Variants in PGBD1 observed in about 807,000 individuals in gnomAD.
PGBD1 encodes the protein piggyBac transposable element derived 1, also known as piggyBac transposable element-derived protein 1.
In PGBD1, 25 loss-of-function variants were observed where a neutral mutation model predicts 34.7. The observed-to-expected ratio is 0.72, with a 90% CI of 0.52 to 1.00. The LOEUF (loss-of-function observed/expected upper bound fraction) is 1.00. PGBD1 is among the 50% of genes least tolerant of loss of function. The probability of loss-of-function intolerance (pLI) is 0.00; values close to 1 mark genes in which losing one functional copy is unlikely to be tolerated. For synonymous variants in PGBD1, 292 were observed against 335.7 expected (o/e 0.87, Z 1.42); for missense variants, 830 against 959.4 (o/e 0.87, Z 1.78).
At position 28,301,226 on chromosome 6, in the gene PGBD1, A is replaced by G. The variant is rs754870322; in HGVS notation, c.1372A>G (p.Arg458Gly). ...VSLEVTVQEM[R>G]CVFGVLLLSG... ...CTTGGAAGTCACAGTTCAGGAAATG[A>G]GGTGTGTGTTTGGTGTCTTACTTTT... Residue 458 changes from arginine to glycine, a missense_variant, in exon 7 of 7, where the codon AGG (arginine) becomes GGG (glycine). Coordinates refer to ENST00000682144, the MANE Select transcript of PGBD1 (RefSeq NM_032507.4). 3 of 1,614,172 alleles carry G rather than the reference A, an allele frequency of 1.9e-6. No homozygotes were observed. Among genetic ancestry groups the G allele is most frequent in the African/African-American group, 1.3e-5 (1 of 75,036 alleles).
chr6:28,294,349 A>T lies in PGBD1; in HGVS notation c.643-2467A>T, dbSNP rs375696677. Among the ~76,000 whole-genome samples, 26 of 152,348 alleles carry T rather than the reference A, an allele frequency of 1.7e-4. No homozygotes were observed. In the South Asian group the frequency reaches 2.1e-3, roughly 12 times the overall value. ...GCATCAGCAACAAGTGCTGATGCAG[A>T]TGCTGCAGCAGGTTATCCAGATCTA... On this transcript the variant is annotated intron_variant, in intron 4 of 6. Coordinates refer to ENST00000682144, the MANE Select transcript of PGBD1 (RefSeq NM_032507.4).
chr6:28,282,812 G>C (rs1762168775), intron 1 of PGBD1, among the ~76,000 whole-genome samples: 1 of 152,170 alleles, frequency 6.6e-6, no homozygotes. Context: ...AAGCAAGCTG[G>C]TGCCAAAGAT....
At chr6:28,292,267 G>A (rs76537875) in intron 4 of PGBD1, among the ~76,000 whole-genome samples, 101 of 152,066 alleles carry the variant, frequency 6.6e-4, no homozygotes, top group South Asian at 6.2e-3. Flanking sequence ...AAAATTAGTA[G>A]CATTTATATA....
intron 4 of PGBD1, among the ~76,000 whole-genome samples, chr6:28,294,965 G>A (rs1150715): frequency 0.035 from 5,335 of 152,236 alleles, 230 homozygotes; most frequent in African/African-American, 0.1. Flanking sequence ...AGATAGTGAT[G>A]GATCTGGGCA....
intron 4 of PGBD1, among the ~76,000 whole-genome samples, chr6:28,294,818 G>A (rs995245364): frequency 6.6e-6 from 1 of 152,172 alleles, no homozygotes; most frequent in Non-Finnish European, 1.5e-5. Flanking sequence ...GAGGTACAAG[G>A]AAATTAATGT....
rs576846498 is a variant in PGBD1 at position 28,301,132 on chromosome 6, T to G, written c.1278T>G (p.Phe426Leu). 23 of 1,614,182 alleles carry G rather than the reference T, an allele frequency of 1.4e-5. No homozygotes were observed. The South Asian group carries it at 2.5e-4, about 18-fold the overall frequency. ...ACCCAGTAGAGCTTTTTGAATTATTTTTTGATGATGAAACATTCAACTTAA... is the reference window on the plus strand; with the variant it reads ...ACCCAGTAGAGCTTTTTGAATTATTGTTTGATGATGAAACATTCAACTTAA... ...KLNPVELFEL[F>L]FDDETFNLIV... Residue 426 changes from phenylalanine to leucine, a missense_variant, in exon 7 of 7, where the codon TTT (phenylalanine) becomes TTG (leucine). Phe to Leu is a conservative substitution (Grantham distance 22, BLOSUM62 0). Coordinates refer to ENST00000682144, the MANE Select transcript of PGBD1 (RefSeq NM_032507.4).
Position 28,281,704 on chromosome 6 carries a change from A to T in PGBD1, c.-253A>T, listed in dbSNP as rs1762134684. 6.3e-6 allele frequency: 2 copies of T among 315,818 alleles called. No individual in the cohort carries two copies. The highest frequency in any genetic ancestry group is 1.1e-5 in the Non-Finnish European group (2 of 174,434). 19.6% of individuals were successfully genotyped at this position (315,818 alleles called of 1,614,324 possible). On this transcript the variant is annotated 5_prime_UTR_variant, in exon 1 of 7. Transcript: ENST00000682144. Reference sequence around the variant, plus strand: ...TGAGCTCCCTCGGGAGCCTTTCACGAGGTCAGCTACGTCTTTGTTGTGCGC... The same window carrying T: ...TGAGCTCCCTCGGGAGCCTTTCACGTGGTCAGCTACGTCTTTGTTGTGCGC...
Position 28,302,182 on chromosome 6 carries a change from A to G in PGBD1, c.2328A>G (p.Gln776=). ...ATGTAGCCATGAACAATGCATGGCA[A>G]CTACACAGAGCCTGTAACCCAGGTG... ...MIDVAMNNAW[Q]LHRACNPGAS... Residue 776 remains glutamine, a synonymous_variant, in exon 7 of 7, where the codon CAA becomes CAG. Transcript: ENST00000682144. 1.9e-6 allele frequency: 3 copies of G among 1,614,214 alleles called. No individual in the cohort carries two copies. Among genetic ancestry groups the G allele is most frequent in the East Asian group, 4.5e-5 (2 of 44,884 alleles).
rs746780549 is a variant in PGBD1, at chr6:28,302,163, C to T, written c.2309C>T (p.Ala770Val). 6.2e-7 allele frequency: 1 copy of T among 1,614,074 alleles called. No homozygotes were observed. Among genetic ancestry groups the T allele is most frequent in the Non-Finnish European group, 8.5e-7 (1 of 1,180,002 alleles). Reference sequence around the variant, plus strand: ...TTGGTGAGCTACATGATTGATGTAGCCATGAACAATGCATGGCAACTACAC... The same window carrying T: ...TTGGTGAGCTACATGATTGATGTAGTCATGAACAATGCATGGCAACTACAC... ...SILVSYMIDV[A>V]MNNAWQLHRA... The change falls in exon 7 of 7, where the codon GCC (alanine) becomes GTC (valine). Residue 770 changes from alanine to valine, a missense_variant. Ala to Val is a moderately conservative substitution (Grantham distance 64). This residue lies in a region of PGBD1 where 372 missense variants were observed against 427.9 expected (regional missense o/e 0.87). Coordinates refer to ENST00000682144, the MANE Select transcript of PGBD1 (RefSeq NM_032507.4).
At chr6:28,297,829 T>TG (rs1762700185) in intron 5 of PGBD1, 66 bp from the exon 6 acceptor site, 5 of 294,560 alleles carry the variant, frequency 1.7e-5, no homozygotes, top group South Asian at 1.3e-4. Context: ...TTTTTTTTTT[T>TG]TTTTTTTTTT....
Position 28,287,186 on chromosome 6 carries a change from G to A in PGBD1, c.642+18G>A, listed in dbSNP as rs1762313272. ...GGTCCCAGGTAAGTAGGATGCCCAA[G>A]CTTGTAGGAATATCAGTAGTGGTCT... is the stretch of plus-strand genomic sequence containing the variant. On this transcript the variant is annotated intron_variant, in intron 4 of 6. Coordinates refer to ENST00000682144, the MANE Select transcript of PGBD1 (RefSeq NM_032507.4). The A allele has an allele frequency of 1.3e-6, 2 of 1,575,900 alleles. No homozygotes were observed. Among genetic ancestry groups the A allele is most frequent in the Non-Finnish European group, 1.7e-6 (2 of 1,145,198 alleles).
chr6:28,289,293 C>G (rs1031173928), intron 4 of PGBD1, among the ~76,000 whole-genome samples: 1 of 152,094 alleles, frequency 6.6e-6, no homozygotes, highest in Non-Finnish European at 1.5e-5. Flanking sequence ...ATGACATTTT[C>G]AAAGTACTCC....
chr6:28,297,013 C>A, intron 5 of PGBD1, 68 bp downstream of exon 5: 1 of 1,587,106 alleles, frequency 6.3e-7, no homozygotes, highest in South Asian at 1.1e-5. Context: ...CCTGGCTTGG[C>A]CCTTGGGAGG....
intron 3 of PGBD1, among the ~76,000 whole-genome samples, chr6:28,286,300 GA>G (rs1762283500): frequency 6.6e-6 from 1 of 152,178 alleles, no homozygotes; most frequent in African/African-American, 2.4e-5. Context: ...CTCTTCATTT[GA>G]TAATTTTGTA....
At chr6:28,288,215 A>G (rs1762345702) in intron 4 of PGBD1, among the ~76,000 whole-genome samples, 1 of 152,196 alleles carries the variant, frequency 6.6e-6, no homozygotes, top group South Asian at 2.1e-4. Flanking sequence ...AAATTGAATT[A>G]TGTCCCTCCA....
At chr6:28,286,338 T>C (rs1762284443) in intron 3 of PGBD1, among the ~76,000 whole-genome samples, 1 of 152,242 alleles carries the variant, frequency 6.6e-6, no homozygotes, top group Non-Finnish European at 1.5e-5. Flanking sequence ...CTGCCAACTT[T>C]GTGACCTAGG....
At chr6:28,299,735 G>T (rs1762764744) in intron 6 of PGBD1, among the ~76,000 whole-genome samples, 1 of 152,116 alleles carries the variant, frequency 6.6e-6, no homozygotes, top group African/African-American at 2.4e-5. Context: ...GGGTGCAGTG[G>T]CTCATGCTTG....
intron 6 of PGBD1, among the ~76,000 whole-genome samples, chr6:28,298,323 G>T (rs1762722447): frequency 6.6e-6 from 1 of 152,072 alleles, no homozygotes; most frequent in South Asian, 2.1e-4. Context: ...TAACAAGAAT[G>T]AGGGCTACAG....
chr6:28,294,344 T>C (rs371800196), intron 4 of PGBD1, among the ~76,000 whole-genome samples: 1 of 152,224 alleles, frequency 6.6e-6, no homozygotes, highest in Non-Finnish European at 1.5e-5. Flanking sequence ...CAAGTGCTGA[T>C]GCAGATGCTG....
Sources: allele counts gnomAD v4.1 joint callset (sites outside exome capture counted in the v4.1 genomes callset), GRCh38; gene constraint gnomAD v4.1.1; regional missense constraint gnomAD v4.1.1; transcripts MANE v1.5; gene names NCBI Gene and HGNC (gene_info 2026-07-23, HGNC 2026-07-21).